The following ATF7IP variants were observed in gnomAD, a reference collection of about 807,000 sequenced individuals.
ATF7IP encodes the protein activating transcription factor 7-interacting protein 1.
ATF7IP carries 23 observed loss-of-function variants against 106.4 expected under a neutral mutation model. The ratio of observed to expected loss-of-function variants is 0.22; its 90% CI spans 0.16 to 0.31. The LOEUF is 0.31. Ranked by LOEUF, ATF7IP falls within the 10% of genes least tolerant of loss-of-function variation. The probability of loss-of-function intolerance (pLI) is 1.00; values close to 1 mark genes in which losing one functional copy is unlikely to be tolerated. For synonymous variants in ATF7IP, 542 were observed against 539.0 expected (o/e 1.01, Z -0.08); for missense variants, 1,334 against 1,524.3 (o/e 0.88, Z 2.08).
chr12:14,372,973 T>A (rs184058916), intron 1 of ATF7IP, among the ~76,000 whole-genome samples: 1 of 152,288 alleles, frequency 6.6e-6, no homozygotes, highest in East Asian at 1.9e-4. Flanking sequence ...TCAGTGATAA[T>A]GCCTACCATT....
At chr12:14,447,940 T>G (rs1385431306) in intron 6 of ATF7IP, among the ~76,000 whole-genome samples, 1 of 152,188 alleles carries the variant, frequency 6.6e-6, no homozygotes, top group Non-Finnish European at 1.5e-5. Context: ...TTTCCTTCAT[T>G]TTTCCTTTGT....
At chr12:14,452,826 C>T (rs916074533) in intron 6 of ATF7IP, among the ~76,000 whole-genome samples, 3 of 151,974 alleles carry the variant, frequency 2.0e-5, no homozygotes, top group Non-Finnish European at 4.4e-5. Flanking sequence ...TTGTATGCTT[C>T]CATGATGCAT....
At chr12:14,427,880 G>A (rs1467211915) in intron 2 of ATF7IP, among the ~76,000 whole-genome samples, 1 of 152,084 alleles carries the variant, frequency 6.6e-6, no homozygotes, top group Non-Finnish European at 1.5e-5. Flanking sequence ...CACAGTAAGT[G>A]CCCAGTAAAT....
At chr12:14,456,537 C>T (rs777437688) in intron 6 of ATF7IP, 24 bp from the exon 7 acceptor site, 2 of 1,574,182 alleles carry the variant, frequency 1.3e-6, no homozygotes, top group Non-Finnish European at 1.7e-6. Flanking sequence ...TTTATTTTTA[C>T]CTTGATTTTT....
At chr12:14,430,745 A>C (rs1942076329) in intron 2 of ATF7IP, among the ~76,000 whole-genome samples, 1 of 152,230 alleles carries the variant, frequency 6.6e-6, no homozygotes, top group African/African-American at 2.4e-5. Context: ...TGAATGGGGT[A>C]GACTGGCCTG....
rs1945191534 is a variant in ATF7IP, at chr12:14,502,707, C to T, written c.*4634C>T. On this transcript the variant is annotated 3_prime_UTR_variant, in exon 15 of 15. Coordinates refer to ENST00000261168, the MANE Select transcript of ATF7IP (RefSeq NM_018179.5). ...GCAATTGAAAGTGTAAATAATAAGA[C>T]AATGTAAGTAAGACCTTCCTAATGT... 1 of 152,076 alleles carries T rather than the reference C, an allele frequency of 6.6e-6. No homozygotes were observed. The highest frequency in any genetic ancestry group is 6.6e-5 in the Admixed American group (1 of 15,266). 9.4% of individuals were successfully genotyped at this position (152,076 alleles called of 1,614,324 possible). A position where few individuals can be genotyped will look rare whatever the true frequency, so the allele number is the denominator to read the frequency against.
At chr12:14,456,202 A>G (rs910038393) in intron 6 of ATF7IP, among the ~76,000 whole-genome samples, 3 of 152,310 alleles carry the variant, frequency 2.0e-5, no homozygotes, top group African/African-American at 7.2e-5. Context: ...TATTTGTTAA[A>G]TGAGTGAGTC....
chr12:14,386,756 A>T (rs1939263611), intron 1 of ATF7IP, among the ~76,000 whole-genome samples: 1 of 152,182 alleles, frequency 6.6e-6, no homozygotes, highest in Non-Finnish European at 1.5e-5. Context: ...CATGACAATT[A>T]TAATCTTGTA....
intron 1 of ATF7IP, among the ~76,000 whole-genome samples, chr12:14,399,887 G>T (rs972917743): frequency 3.9e-5 from 6 of 152,256 alleles, no homozygotes; most frequent in African/African-American, 1.4e-4. Context: ...GATGCTGATG[G>T]TTCAGGTGAT....
intron 1 of ATF7IP, among the ~76,000 whole-genome samples, chr12:14,384,435 T>A (rs997165908): frequency 6.6e-6 from 1 of 152,206 alleles, no homozygotes; most frequent in Admixed American, 6.5e-5. Context: ...TACTCTTTTT[T>A]AAAATTCCCT....
intron 1 of ATF7IP, among the ~76,000 whole-genome samples, chr12:14,380,260 T>A (rs1938943474): frequency 6.6e-6 from 1 of 152,188 alleles, no homozygotes; most frequent in African/African-American, 2.4e-5. Flanking sequence ...TTGCTTCATG[T>A]ATTTTTTTTG....
intron 13 of ATF7IP, among the ~76,000 whole-genome samples, chr12:14,490,780 C>G (rs1442384826): frequency 6.6e-6 from 1 of 152,122 alleles, no homozygotes; most frequent in Non-Finnish European, 1.5e-5. Flanking sequence ...ATTACTTCTG[C>G]CGTCCGCACC....
At chr12:14,450,702 C>G (rs1220568856) in intron 6 of ATF7IP, among the ~76,000 whole-genome samples, 1 of 152,152 alleles carries the variant, frequency 6.6e-6, no homozygotes, top group Non-Finnish European at 1.5e-5. Context: ...TGGAAGTACT[C>G]CTCTTGGAAT....
In ATF7IP at chr12:14,475,906, G is replaced by T; in HGVS notation, c.2879G>T (p.Gly960Val). ...DSTSQCGKAT[G>V]SDSSGVIDLT... ...GTTTTTCAGTGTGGAAAAGCCACTG[G>T]CAGTGATTCAAGTGGTGTCATTGAT... Residue 960 changes from glycine (G) to valine (V), a missense_variant, in exon 11 of 15, where the codon GGC (glycine) becomes GTC (valine). Transcript: ENST00000261168. 1 of 1,612,864 alleles carries T rather than the reference G, an allele frequency of 6.2e-7. No individual in the cohort carries two copies. The highest frequency in any genetic ancestry group is 8.5e-7 in the Non-Finnish European group (1 of 1,179,598).
Position 14,475,776 on chromosome 12 carries a change from C to T in ATF7IP, c.2863-114C>T, listed in dbSNP as rs1416333086. The T allele has an allele frequency of 7.1e-6, 5 of 703,488 alleles. No individual in the cohort carries two copies. The South Asian group carries it at 1.0e-4, about 14-fold the overall frequency. 43.6% of individuals were successfully genotyped at this position (703,488 alleles called of 1,614,324 possible). A position where few individuals can be genotyped will look rare whatever the true frequency, so the allele number is the denominator to read the frequency against. The stretch of plus-strand genomic sequence containing the variant: ...TATTCAGGTACAGCCATTTAAGGGT[C>T]CAGATTGAACCAGGTTACTCATTAG... On this transcript the variant is annotated intron_variant, in intron 10 of 14. Transcript: ENST00000261168.
chr12:14,490,740 A>T (rs1258415258), intron 13 of ATF7IP, among the ~76,000 whole-genome samples: 6 of 152,050 alleles, frequency 3.9e-5, no homozygotes. Context: ...CAGAGGGGAG[A>T]CACGGGCATT....
intron 9 of ATF7IP, among the ~76,000 whole-genome samples, chr12:14,465,579 G>A (rs10772784): frequency 0.85 from 128,535 of 151,854 alleles, 55,632 homozygotes; most frequent in East Asian, 0.96. Context: ...ACAAAAAGAA[G>A]GTAATTCAGA....
At chr12:14,419,631 T>A (rs1484560795) in intron 1 of ATF7IP, among the ~76,000 whole-genome samples, 1 of 152,138 alleles carries the variant, frequency 6.6e-6, no homozygotes, top group Non-Finnish European at 1.5e-5. Context: ...TATCTGTATC[T>A]TTTGCAGAAA....
At position 14,456,651 on chromosome 12, in the gene ATF7IP, T is replaced by G. The variant is rs574755841; in HGVS notation, c.2069+17T>G. 6.4e-7 allele frequency: 1 copy of G among 1,563,260 alleles called. No homozygotes were observed. The highest frequency in any genetic ancestry group is 1.7e-5 in the Admixed American group (1 of 59,244). ...GTCTTACAGGTGAGAATTCATAGTC[T>G]GTCTAGTTTTTAAAAACAGAACAAA... On this transcript the variant is annotated intron_variant, in intron 7 of 14. Transcript: ENST00000261168.
Sources: allele counts gnomAD v4.1 joint callset (sites outside exome capture counted in the v4.1 genomes callset), GRCh38; gene constraint gnomAD v4.1.1; transcripts MANE v1.5; gene names NCBI Gene and HGNC (gene_info 2026-07-23, HGNC 2026-07-21).